The following KLHL1 variants were observed in gnomAD, a reference collection of about 807,000 sequenced individuals.
The protein encoded by KLHL1 is kelch-like protein 1.
A neutral mutation model predicts 77.7 loss-of-function variants in KLHL1; 47 were observed. The ratio of observed to expected loss-of-function variants is 0.60; its 90% CI spans 0.48 to 0.77. KLHL1 has a LOEUF of 0.77. Among genes scored for constraint, KLHL1 ranks in the 30% least tolerant of loss-of-function variants. The pLI is 0.00. For missense variants in KLHL1, 925 were observed against 910.8 expected, an observed-to-expected ratio of 1.02 and a Z score of -0.20; for synonymous variants, 360 against 325.2, an observed-to-expected ratio of 1.11 and a Z score of -1.15.
chr13:69,821,925 C>T (rs1186307701), intron 6 of KLHL1, among the ~76,000 whole-genome samples: 3 of 152,010 alleles, frequency 2.0e-5, no homozygotes, highest in African/African-American at 7.2e-5. Flanking sequence ...CTAGGCCAGG[C>T]CCAGTGGCTC....
chr13:69,764,129 G>C (rs1875152969), intron 7 of KLHL1, among the ~76,000 whole-genome samples: 2 of 152,170 alleles, frequency 1.3e-5, no homozygotes, highest in Admixed American at 6.5e-5. Flanking sequence ...GCCTGAAGCT[G>C]CTTCCGTGCA....
intron 9 of KLHL1, among the ~76,000 whole-genome samples, chr13:69,718,825 T>C (rs1872895279): frequency 6.6e-6 from 1 of 152,098 alleles, no homozygotes; most frequent in African/African-American, 2.4e-5. Flanking sequence ...GAACCTATGT[T>C]TCCTTCTTAC....
intron 5 of KLHL1, among the ~76,000 whole-genome samples, chr13:69,854,788 T>C (rs1879823487): frequency 2.0e-5 from 3 of 152,022 alleles, no homozygotes. Context: ...ATTAAAGTGA[T>C]CCATTTTTAC....
chr13:69,823,424 C>G (rs555070941), intron 6 of KLHL1, among the ~76,000 whole-genome samples: 12 of 151,878 alleles, frequency 7.9e-5, no homozygotes, highest in African/African-American at 2.9e-4. Flanking sequence ...GCGTTAGGCT[C>G]TAAAGTCTAT....
rs988013011 is a variant in KLHL1 at position 69,855,100 on chromosome 13, G to A, written c.1228-15938C>T. 5.3e-5 allele frequency among the ~76,000 whole-genome samples: 8 copies of A among 151,996 alleles called. No individual in the cohort carries two copies. In the South Asian group the frequency reaches 6.2e-4, roughly 12 times the overall value. The stretch of plus-strand genomic sequence containing the variant: ...AAAGCATTTATAATTATAGCAGAGC[G>A]TATTAGAAAATAATATGCTAAAGTT... On this transcript the variant is annotated intron_variant, in intron 5 of 10. Coordinates refer to ENST00000377844, the MANE Select transcript of KLHL1 (RefSeq NM_020866.3).
chr13:69,852,075 T>A (rs558939605), intron 5 of KLHL1, among the ~76,000 whole-genome samples: 4 of 151,884 alleles, frequency 2.6e-5, no homozygotes, highest in Non-Finnish European at 5.9e-5. Flanking sequence ...TTATCCTGCA[T>A]TTATTTTAGT....
At chr13:70,089,114 A>C (rs1887615914) in intron 1 of KLHL1, among the ~76,000 whole-genome samples, 1 of 152,204 alleles carries the variant, frequency 6.6e-6, no homozygotes, top group Admixed American at 6.5e-5. Context: ...GTTAATCAAC[A>C]TAAGAATGGG....
chr13:70,070,976 G>T (rs1887124767), intron 1 of KLHL1, among the ~76,000 whole-genome samples: 1 of 151,746 alleles, frequency 6.6e-6, no homozygotes, highest in African/African-American at 2.4e-5. Flanking sequence ...AAAATAAAGG[G>T]AAGGCACAAA....
rs769660811 is a variant in KLHL1 at position 69,838,983 on chromosome 13, G to T, written c.1407C>A (p.Asn469Lys). ...AAATCCAGAATTAAATACCTTTGTT[G>T]TTATCCATTCCTCCTACAGCATACA... ...GTLYAVGGMDNNKGATTIEKY... is the reference protein window; with the variant it reads ...GTLYAVGGMDKNKGATTIEKY... The change falls in exon 6 of 11, where the codon AAC (asparagine) becomes AAA (lysine). Residue 469 changes from asparagine (N) to lysine (K), a missense_variant. Coordinates refer to ENST00000377844, the MANE Select transcript of KLHL1 (RefSeq NM_020866.3). The T allele has an allele frequency of 1.9e-6, 3 of 1,601,348 alleles. No individual in the cohort carries two copies. Among genetic ancestry groups the T allele is most frequent in the Non-Finnish European group, 2.6e-6 (3 of 1,173,720 alleles).
At chr13:69,843,771 A>C (rs963862921) in intron 5 of KLHL1, among the ~76,000 whole-genome samples, 6 of 151,720 alleles carry the variant, frequency 4.0e-5, no homozygotes, top group Non-Finnish European at 8.9e-5. Context: ...GAATTCTTGT[A>C]CAGCTACAAA....
At chr13:69,862,026 C>G (rs955765080) in intron 5 of KLHL1, among the ~76,000 whole-genome samples, 1 of 133,502 alleles carries the variant, frequency 7.5e-6, no homozygotes, top group African/African-American at 2.7e-5. Context: ...AAAATAAAAG[C>G]AAATACTTGA....
At chr13:69,979,918 C>A (rs528537361) in intron 1 of KLHL1, among the ~76,000 whole-genome samples, 1 of 152,294 alleles carries the variant, frequency 6.6e-6, no homozygotes, top group African/African-American at 2.4e-5. Flanking sequence ...ATTGTCTTCA[C>A]ATCTTAACTT....
chr13:70,070,327 G>A (rs921685355), intron 1 of KLHL1, among the ~76,000 whole-genome samples: 1 of 151,978 alleles, frequency 6.6e-6, no homozygotes, highest in African/African-American at 2.4e-5. Flanking sequence ...GAAAATCAAG[G>A]AGAAAGAGGA....
chr13:69,812,917 A>C (rs201808253), intron 6 of KLHL1, among the ~76,000 whole-genome samples: 1 of 136,016 alleles, frequency 7.4e-6, no homozygotes, highest in African/African-American at 2.9e-5. Context: ...ACAGTGTGGC[A>C]ATTCCTCAGG....
At chr13:69,988,235 G>T (rs748865278) in intron 1 of KLHL1, among the ~76,000 whole-genome samples, 1 of 151,948 alleles carries the variant, frequency 6.6e-6, no homozygotes, top group Non-Finnish European at 1.5e-5. Context: ...CTCCTCCTGC[G>T]TTAGTTTGCT....
intron 5 of KLHL1, among the ~76,000 whole-genome samples, chr13:69,880,073 C>CAT (rs1208102712): frequency 6.6e-6 from 1 of 152,134 alleles, no homozygotes; most frequent in Non-Finnish European, 1.5e-5. Context: ...AGGGAAATGG[C>CAT]ACTCATATTG....
At chr13:69,848,162 G>C (rs1206713047) in intron 5 of KLHL1, among the ~76,000 whole-genome samples, 2 of 151,474 alleles carry the variant, frequency 1.3e-5, no homozygotes, top group African/African-American at 4.8e-5. Flanking sequence ...TACCTAGAGA[G>C]CTTTGTTTGA....
chr13:70,054,279 T>G (rs1886693341), intron 1 of KLHL1, among the ~76,000 whole-genome samples: 1 of 149,966 alleles, frequency 6.7e-6, no homozygotes, highest in South Asian at 2.1e-4. Flanking sequence ...TGGTAAACTT[T>G]AAATAATACA....
intron 1 of KLHL1, among the ~76,000 whole-genome samples, chr13:69,989,101 T>G (rs140222972): frequency 6.6e-6 from 1 of 152,132 alleles, no homozygotes; most frequent in Non-Finnish European, 1.5e-5. Context: ...ATGTTTTACA[T>G]TTAAGTCTAT....
Sources: allele counts gnomAD v4.1 joint callset (sites outside exome capture counted in the v4.1 genomes callset), GRCh38; gene constraint gnomAD v4.1.1; transcripts MANE v1.5; gene names NCBI Gene and HGNC (gene_info 2026-07-23, HGNC 2026-07-21).